PCLO: variants seen among roughly 807,000 people sequenced by gnomAD.
The protein encoded by PCLO is protein piccolo.
Under a neutral mutation model 427.5 loss-of-function variants are expected in PCLO, and 82 were observed. The observed-to-expected ratio is 0.19, with a 90% CI of 0.16 to 0.23. PCLO has a LOEUF of 0.23. PCLO is among the 10% of genes least tolerant of loss of function. The pLI, the probability that PCLO is intolerant of heterozygous loss-of-function variation, is 1.00. For missense variants in PCLO, 6,239 were observed against 6,115.9 expected (o/e 1.02, Z -0.67); for synonymous variants, 2,357 against 2,155.4 (o/e 1.09, Z -2.59).
chr7:82,967,077 CT>C (rs1286438791), intron 3 of PCLO, among the ~76,000 whole-genome samples: 1 of 151,994 alleles, frequency 6.6e-6, no homozygotes, highest in African/African-American at 2.4e-5. Context: ...TAATCTCATT[CT>C]TAATACTAAT....
At chr7:83,021,035 C>A (rs1052870230) in intron 3 of PCLO, among the ~76,000 whole-genome samples, 12 of 152,130 alleles carry the variant, frequency 7.9e-5, no homozygotes, top group African/African-American at 2.9e-4. Context: ...AATGAAACTA[C>A]TGATATCAGC....
At chr7:82,932,601 A>C (rs990092901) in intron 6 of PCLO, among the ~76,000 whole-genome samples, 14 of 152,132 alleles carry the variant, frequency 9.2e-5, no homozygotes, top group Non-Finnish European at 1.5e-4. Context: ...AGAAGTAATA[A>C]TTATGGTAGA....
intron 3 of PCLO, among the ~76,000 whole-genome samples, chr7:83,048,486 C>A (rs765502628): frequency 6.6e-6 from 1 of 151,948 alleles, no homozygotes; most frequent in Non-Finnish European, 1.5e-5. Flanking sequence ...TGGTTAATTG[C>A]GGTTTCATCC....
At chr7:82,763,870 C>T (rs537355283) in intron 22 of PCLO, among the ~76,000 whole-genome samples, 53 of 152,020 alleles carry the variant, frequency 3.5e-4, no homozygotes, top group African/African-American at 1.2e-3. Context: ...GATTTTATAT[C>T]CAGCTAACCT....
At chr7:82,947,227 C>G (rs1795223579) in intron 6 of PCLO, among the ~76,000 whole-genome samples, 1 of 152,122 alleles carries the variant, frequency 6.6e-6, no homozygotes, top group African/African-American at 2.4e-5. Context: ...CAGATTGATT[C>G]AGAATCTGAC....
intron 2 of PCLO, among the ~76,000 whole-genome samples, chr7:83,151,254 A>C (rs1010897976): frequency 1.1e-4 from 17 of 152,218 alleles, no homozygotes; most frequent in Non-Finnish European, 1.9e-4. Flanking sequence ...CTGTTGATCG[A>C]ATGTCTTTAG....
chr7:82,838,424 A>G, intron 14 of PCLO, 82 bp from the exon 15 acceptor site: 1 of 797,104 alleles, frequency 1.3e-6, no homozygotes, highest in African/African-American at 1.8e-5. Context: ...TTTTTTTTAA[A>G]GAAAATTCTT....
intron 22 of PCLO, among the ~76,000 whole-genome samples, chr7:82,789,281 A>G (rs1345261012): frequency 6.6e-6 from 1 of 152,228 alleles, no homozygotes; most frequent in Non-Finnish European, 1.5e-5. Context: ...ACTGTAAAAA[A>G]TAGTTGAATC....
chr7:82,873,506 C>T (rs566780934), intron 10 of PCLO, among the ~76,000 whole-genome samples: 3 of 152,228 alleles, frequency 2.0e-5, no homozygotes, highest in African/African-American at 4.8e-5. Context: ...TCAAACCTTG[C>T]GCCTACTGTG....
chr7:83,091,085 G>C (rs1790366396), intron 3 of PCLO, among the ~76,000 whole-genome samples: 1 of 152,016 alleles, frequency 6.6e-6, no homozygotes. Flanking sequence ...AAATTAATCA[G>C]CTTTTTTAAA....
intron 9 of PCLO, among the ~76,000 whole-genome samples, chr7:82,894,945 A>G (rs1345658306): frequency 6.6e-6 from 1 of 152,082 alleles, no homozygotes; most frequent in Non-Finnish European, 1.5e-5. Flanking sequence ...AAATCTAACC[A>G]AAAGAAGGTT....
chr7:82,840,323 C>T (rs577550884), intron 14 of PCLO, among the ~76,000 whole-genome samples: 24 of 152,078 alleles, frequency 1.6e-4, no homozygotes, highest in East Asian at 1.9e-4. Flanking sequence ...TCCATTTCCA[C>T]GCTCACACTC....
chr7:83,063,415 T>C (rs1267418127), intron 3 of PCLO, among the ~76,000 whole-genome samples: 1 of 152,100 alleles, frequency 6.6e-6, no homozygotes, highest in Non-Finnish European at 1.5e-5. Flanking sequence ...TGGTGCCATA[T>C]GCATTCAATA....
intron 10 of PCLO, among the ~76,000 whole-genome samples, chr7:82,848,699 T>C (rs1036794644): frequency 6.6e-6 from 1 of 152,268 alleles, no homozygotes; most frequent in Admixed American, 6.5e-5. Flanking sequence ...ATTCTAAACA[T>C]GGCATGATTG....
intron 3 of PCLO, among the ~76,000 whole-genome samples, chr7:83,097,179 A>G (rs111591985): frequency 0.073 from 6,649 of 91,362 alleles, 901 homozygotes; most frequent in African/African-American, 0.15. Flanking sequence ...TATATATTAT[A>G]TATTATATAT....
intron 6 of PCLO, among the ~76,000 whole-genome samples, chr7:82,932,110 T>C (rs1423766835): frequency 2.6e-5 from 4 of 152,098 alleles, no homozygotes; most frequent in Admixed American, 1.3e-4. Context: ...TTGAGCAGAG[T>C]AGACAATGAG....
At chr7:82,987,932 T>A (rs1196764436) in intron 3 of PCLO, among the ~76,000 whole-genome samples, 1 of 152,112 alleles carries the variant, frequency 6.6e-6, no homozygotes, top group Non-Finnish European at 1.5e-5. Context: ...ATGCTAATGG[T>A]AGCTAACACT....
At chr7:83,085,597 TGAAAGACTTGTTGGA>T (rs1186221684) in intron 3 of PCLO, among the ~76,000 whole-genome samples, 1 of 152,146 alleles carries the variant, frequency 6.6e-6, no homozygotes, top group Non-Finnish European at 1.5e-5. Flanking sequence ...CACTTGTGGA[TGAAAGACTTGTTGGA>T]TGAATTTCCA....
chr7:82,814,309 T>C (rs1791632503), intron 20 of PCLO, among the ~76,000 whole-genome samples: 1 of 151,528 alleles, frequency 6.6e-6, no homozygotes, highest in Non-Finnish European at 1.5e-5. Context: ...TGAAATGCAA[T>C]AGAAGAGATA....
Sources: allele counts gnomAD v4.1 joint callset (sites outside exome capture counted in the v4.1 genomes callset), GRCh38; gene constraint gnomAD v4.1.1; transcripts MANE v1.5; gene names NCBI Gene and HGNC (gene_info 2026-07-23, HGNC 2026-07-21).